ZNF385B: variants seen among roughly 807,000 people sequenced by gnomAD.
ZNF385B encodes zinc finger protein 385B.
A neutral mutation model predicts 39.2 loss-of-function variants in ZNF385B; 23 were observed. The observed-to-expected ratio is 0.59, with a 90% CI of 0.42 to 0.83. ZNF385B has a LOEUF of 0.83. Among genes scored for constraint, ZNF385B ranks in the 40% least tolerant of loss-of-function variants. The probability of loss-of-function intolerance (pLI) is 0.00; values close to 1 mark genes in which losing one functional copy is unlikely to be tolerated. For synonymous variants in ZNF385B, 205 were observed against 222.6 expected, an observed-to-expected ratio of 0.92 and a Z score of 0.70; for missense variants, 552 against 598.9, an observed-to-expected ratio of 0.92 and a Z score of 0.82.
intron 3 of ZNF385B, among the ~76,000 whole-genome samples, chr2:179,616,337 T>C (rs1689733281): frequency 6.6e-6 from 1 of 152,148 alleles, no homozygotes; most frequent in Non-Finnish European, 1.5e-5. Flanking sequence ...CTAGTCTTAC[T>C]CTCCTTCTCT....
At chr2:179,722,321 T>C (rs1292578641) in intron 3 of ZNF385B, among the ~76,000 whole-genome samples, 1 of 152,142 alleles carries the variant, frequency 6.6e-6, no homozygotes, top group Non-Finnish European at 1.5e-5. Context: ...CAATGTGTAG[T>C]GCTTTGCTCA....
chr2:179,713,701 G>C (rs1405128420), intron 3 of ZNF385B, among the ~76,000 whole-genome samples: 2 of 152,116 alleles, frequency 1.3e-5, no homozygotes, highest in Non-Finnish European at 2.9e-5. Flanking sequence ...GCACAAAATA[G>C]GTTCTTAATA....
chr2:179,498,719 C>T (rs187918264), intron 5 of ZNF385B, among the ~76,000 whole-genome samples: 33 of 151,826 alleles, frequency 2.2e-4, no homozygotes, highest in Admixed American at 1.9e-3. Context: ...TAAGTGCCTA[C>T]ATCAAAAAAG....
chr2:179,535,074 C>G (rs941744339), intron 4 of ZNF385B, among the ~76,000 whole-genome samples: 1 of 151,960 alleles, frequency 6.6e-6, no homozygotes, highest in African/African-American at 2.4e-5. Context: ...AAGTTTGGGT[C>G]TACCTGGGAA....
chr2:179,546,277 C>G (rs1424754759), intron 3 of ZNF385B, among the ~76,000 whole-genome samples: 1 of 151,952 alleles, frequency 6.6e-6, no homozygotes, highest in African/African-American at 2.4e-5. Flanking sequence ...GCTCAAGCAA[C>G]CCATCAGTCT....
intron 3 of ZNF385B, among the ~76,000 whole-genome samples, chr2:179,611,933 T>C (rs1284598658): frequency 6.6e-6 from 1 of 152,082 alleles, no homozygotes; most frequent in Non-Finnish European, 1.5e-5. Flanking sequence ...TTTCTCTCCC[T>C]TCTTATTCTC....
At chr2:179,721,892 C>T (rs1406349702) in intron 3 of ZNF385B, among the ~76,000 whole-genome samples, 1 of 151,806 alleles carries the variant, frequency 6.6e-6, no homozygotes, top group Non-Finnish European at 1.5e-5. Flanking sequence ...AAAAACAATA[C>T]AAGGTCTAAG....
chr2:179,769,478 T>G, intron 3 of ZNF385B, 25 bp downstream of exon 3: 1 of 1,611,244 alleles, frequency 6.2e-7, no homozygotes, highest in Non-Finnish European at 8.5e-7. Context: ...CCGCAGCACA[T>G]GGAACCCGGG....
At chr2:179,633,436 G>A (rs1221298965) in intron 3 of ZNF385B, among the ~76,000 whole-genome samples, 1 of 152,058 alleles carries the variant, frequency 6.6e-6, no homozygotes, top group East Asian at 1.9e-4. Context: ...CACATAAACA[G>A]AACCAATGAC....
intron 1 of ZNF385B, among the ~76,000 whole-genome samples, chr2:179,804,333 A>G (rs1706218475): frequency 6.6e-6 from 1 of 152,198 alleles, no homozygotes; most frequent in Non-Finnish European, 1.5e-5. Context: ...CTTCTAAGAC[A>G]TCTGGACCAG....
intron 3 of ZNF385B, among the ~76,000 whole-genome samples, chr2:179,755,532 T>A (rs1478137070): frequency 6.6e-6 from 1 of 152,132 alleles, no homozygotes; most frequent in Non-Finnish European, 1.5e-5. Context: ...GACAGTGGGG[T>A]GTTAAAGTCT....
At chr2:179,544,626 A>G (rs36040054) in intron 4 of ZNF385B, among the ~76,000 whole-genome samples, 10,466 of 152,318 alleles carry the variant, frequency 0.069, 460 homozygotes, top group Middle Eastern at 0.2. Context: ...CTGTGGAAAT[A>G]TTTGTATAAT....
chr2:179,793,389 C>T (rs568752872), intron 1 of ZNF385B, among the ~76,000 whole-genome samples: 1 of 152,252 alleles, frequency 6.6e-6, no homozygotes, highest in African/African-American at 2.4e-5. Context: ...GGCTTTTGTC[C>T]CTGCCCAAAT....
At chr2:179,627,773 C>T (rs1012174643) in intron 3 of ZNF385B, among the ~76,000 whole-genome samples, 2 of 151,480 alleles carry the variant, frequency 1.3e-5, no homozygotes, top group Admixed American at 6.6e-5. Context: ...TAATATTTTA[C>T]AAATGTCAAA....
At chr2:179,838,924 A>G (rs1390796429) in intron 1 of ZNF385B, among the ~76,000 whole-genome samples, 1 of 135,382 alleles carries the variant, frequency 7.4e-6, no homozygotes, top group Non-Finnish European at 1.6e-5. Flanking sequence ...TAAACCAAAA[A>G]AAAAGGGGGG....
intron 3 of ZNF385B, among the ~76,000 whole-genome samples, chr2:179,642,574 G>A (rs1019336286): frequency 2.6e-5 from 4 of 152,034 alleles, no homozygotes; most frequent in Non-Finnish European, 4.4e-5. Flanking sequence ...GAAGGGTTCC[G>A]AGACACCTTC....
intron 3 of ZNF385B, among the ~76,000 whole-genome samples, chr2:179,625,511 T>C (rs1254661415): frequency 6.6e-6 from 1 of 152,052 alleles, no homozygotes; most frequent in Non-Finnish European, 1.5e-5. Context: ...TCCTTTTATA[T>C]GCATAAATAT....
At chr2:179,842,671 G>A (rs968633445) in intron 1 of ZNF385B, among the ~76,000 whole-genome samples, 33 of 151,522 alleles carry the variant, frequency 2.2e-4, no homozygotes, top group African/African-American at 7.5e-4. Context: ...GATGGCAGTC[G>A]AGGCCACCAT....
At chr2:179,494,531 G>C (rs921179137) in intron 5 of ZNF385B, among the ~76,000 whole-genome samples, 1 of 151,872 alleles carries the variant, frequency 6.6e-6, no homozygotes, top group Admixed American at 6.6e-5. Context: ...GCAATTTTTG[G>C]ACATAAATCA....
Sources: allele counts gnomAD v4.1 joint callset (sites outside exome capture counted in the v4.1 genomes callset), GRCh38; gene constraint gnomAD v4.1.1; transcripts MANE v1.5; gene names NCBI Gene and HGNC (gene_info 2026-07-23, HGNC 2026-07-21).